NAALADL2: variants seen among roughly 807,000 people sequenced by gnomAD.
NAALADL2 encodes the protein N-acetylated alpha-linked acidic dipeptidase like 2.
A neutral mutation model predicts 87.2 loss-of-function variants in NAALADL2; 76 were observed. The observed-to-expected ratio is 0.87, with a 90% CI of 0.72 to 1.05. NAALADL2 has a LOEUF of 1.05. Ranked by LOEUF, NAALADL2 falls within the 50% of genes least tolerant of loss-of-function variation. NAALADL2 has a pLI of 0.00. For missense variants in NAALADL2, 1,089 were observed against 945.8 expected (o/e 1.15, Z -1.99); for synonymous variants, 354 against 331.0 (o/e 1.07, Z -0.75).
chr3:175,565,943 T>C (rs4622906), intron 9 of NAALADL2, among the ~76,000 whole-genome samples: 118,990 of 150,788 alleles, frequency 0.79, 47,037 homozygotes, highest in East Asian at 0.88. Flanking sequence ...GATTCTCCTA[T>C]CTCAGCCTCC....
chr3:174,903,003 C>T (rs1242030317), intron 1 of NAALADL2, among the ~76,000 whole-genome samples: 1 of 151,950 alleles, frequency 6.6e-6, no homozygotes, highest in Non-Finnish European at 1.5e-5. Flanking sequence ...TGATACTTGC[C>T]AAAATTATAT....
chr3:174,738,222 T>C (rs552969527), intron 3 of NAALADL2, among the ~76,000 whole-genome samples: 6 of 152,202 alleles, frequency 3.9e-5, no homozygotes, highest in Non-Finnish European at 8.8e-5. Flanking sequence ...TACACGGCCA[T>C]ATATAGACTG....
intron 2 of NAALADL2, among the ~76,000 whole-genome samples, chr3:174,642,812 C>G (rs1302130492): frequency 6.8e-6 from 1 of 146,174 alleles, no homozygotes; most frequent in African/African-American, 2.6e-5. Flanking sequence ...GAAACTGGAT[C>G]TCACTCTCTC....
chr3:175,572,409 C>CAAAATAAAAAAAAAAATAAAAAAAAA (rs1718217363), intron 9 of NAALADL2, among the ~76,000 whole-genome samples: 1 of 97,196 alleles, frequency 1.0e-5, no homozygotes. Flanking sequence ...GTTGGTTTAC[C>CAAAATAAAAAAAAAAATAAAAAAAAA]AAAAAAAAAA....
chr3:175,116,187 C>T (rs1240215228), intron 2 of NAALADL2, among the ~76,000 whole-genome samples: 1 of 152,024 alleles, frequency 6.6e-6, no homozygotes, highest in African/African-American at 2.4e-5. Context: ...CAGGGATGCC[C>T]TCTCTCACCA....
intron 2 of NAALADL2, among the ~76,000 whole-genome samples, chr3:175,136,596 A>G (rs1181790956): frequency 1.3e-5 from 2 of 150,342 alleles, no homozygotes; most frequent in East Asian, 2.0e-4. Context: ...GCAAATTTTT[A>G]TAAGCATGCT....
chr3:175,351,624 T>C (rs759382867), intron 5 of NAALADL2, among the ~76,000 whole-genome samples: 1 of 152,034 alleles, frequency 6.6e-6, no homozygotes, highest in Non-Finnish European at 1.5e-5. Context: ...GTTTTCCCCA[T>C]ATTGGACTGG....
chr3:175,052,780 A>T lies in NAALADL2; in HGVS notation c.44-44010A>T, dbSNP rs73176720. ...TTATTAAGAGCTGTTAATAGTTTCC[A>T]CAAATCTTTAGGTTTAGCTCCTGTA... On this transcript the variant is annotated intron_variant, in intron 1 of 13. Transcript: ENST00000454872. Among the ~76,000 whole-genome samples the T allele has an allele frequency of 3.1e-3, 474 of 152,272 alleles. 1 individual carries two copies. Among genetic ancestry groups the T allele is most frequent in the Non-Finnish European group, 5.1e-3 (350 of 68,026 alleles).
At chr3:175,601,295 G>A (rs1405734018) in intron 10 of NAALADL2, among the ~76,000 whole-genome samples, 2 of 152,128 alleles carry the variant, frequency 1.3e-5, no homozygotes, top group African/African-American at 2.4e-5. Context: ...CATATTGTAT[G>A]TGTATGTTAA....
intron 3 of NAALADL2, among the ~76,000 whole-genome samples, chr3:174,776,308 C>T (rs1323178356): frequency 6.6e-6 from 1 of 152,004 alleles, no homozygotes; most frequent in East Asian, 1.9e-4. Context: ...AAAGTGTATA[C>T]GATCTGGGTA....
chr3:174,585,244 A>C (rs890938716), intron 2 of NAALADL2, among the ~76,000 whole-genome samples: 4 of 152,162 alleles, frequency 2.6e-5, no homozygotes, highest in Non-Finnish European at 5.9e-5. Flanking sequence ...TCCAGTAGCC[A>C]AGGTTGAGAA....
chr3:175,758,789 C>A (rs907904708), intron 13 of NAALADL2, among the ~76,000 whole-genome samples: 3 of 151,446 alleles, frequency 2.0e-5, no homozygotes, highest in Non-Finnish European at 2.9e-5. Context: ...GAACAGGGTT[C>A]AATTTTTTTT....
At chr3:174,839,880 G>C (rs1326884820) in intron 3 of NAALADL2, among the ~76,000 whole-genome samples, 1 of 151,940 alleles carries the variant, frequency 6.6e-6, no homozygotes, top group Non-Finnish European at 1.5e-5. Flanking sequence ...CGGTGAACAG[G>C]GAACACTTCT....
intron 3 of NAALADL2, among the ~76,000 whole-genome samples, chr3:174,838,933 T>C (rs1723687018): frequency 6.6e-6 from 1 of 152,008 alleles, no homozygotes; most frequent in Non-Finnish European, 1.5e-5. Flanking sequence ...AAATACAATC[T>C]ACAAATTCAA....
intron 2 of NAALADL2, among the ~76,000 whole-genome samples, chr3:174,706,670 G>C (rs906837883): frequency 1.3e-5 from 2 of 152,150 alleles, no homozygotes; most frequent in African/African-American, 4.8e-5. Context: ...TTTGGCTTTT[G>C]TTGCCATTGC....
rs545548753 is a variant in NAALADL2, at chr3:175,706,418, C to A, written c.1897-30888C>A. On this transcript the variant is annotated intron_variant, in intron 11 of 13. Transcript: ENST00000454872. ...AACGACAACTAATAATTAAATAGAG[C>A]AATTCTAACAATAATAAAGTAATAA... 1.2e-4 allele frequency among the ~76,000 whole-genome samples: 19 copies of A among 152,162 alleles called. No individual in the cohort carries two copies. The South Asian group carries it at 3.5e-3, about 28-fold the overall frequency.
intron 9 of NAALADL2, among the ~76,000 whole-genome samples, chr3:175,570,235 G>A (rs1357306018): frequency 1.3e-5 from 2 of 152,180 alleles, no homozygotes; most frequent in Non-Finnish European, 2.9e-5. Flanking sequence ...GGGAAGGTCA[G>A]CCTTTTTGTT....
At chr3:174,843,811 A>C (rs1306762397) in intron 3 of NAALADL2, among the ~76,000 whole-genome samples, 1 of 151,644 alleles carries the variant, frequency 6.6e-6, no homozygotes, top group Non-Finnish European at 1.5e-5. Flanking sequence ...TTACCTTTGG[A>C]TATTTGTATG....
chr3:174,756,779 T>C (rs918669750), intron 3 of NAALADL2, among the ~76,000 whole-genome samples: 2 of 152,214 alleles, frequency 1.3e-5, no homozygotes, highest in South Asian at 4.1e-4. Context: ...GCAGCCACAG[T>C]GACCTATTTG....
Sources: allele counts gnomAD v4.1 joint callset (sites outside exome capture counted in the v4.1 genomes callset), GRCh38; gene constraint gnomAD v4.1.1; transcripts MANE v1.5; gene names NCBI Gene and HGNC (gene_info 2026-07-23, HGNC 2026-07-21).